Variants in CYTH3 observed in about 807,000 individuals in gnomAD.
CYTH3 encodes the protein cytohesin 3.
In CYTH3, 23 loss-of-function variants were observed where a neutral mutation model predicts 55.1. The observed-to-expected ratio is 0.42, with a 90% confidence interval of 0.30 to 0.59. The LOEUF (loss-of-function observed/expected upper bound fraction) is 0.59. Among genes scored for constraint, CYTH3 ranks in the 20% least tolerant of loss-of-function variants. The pLI, the probability that CYTH3 is intolerant of heterozygous loss-of-function variation, is 0.20. For synonymous variants in CYTH3, 249 were observed against 194.9 expected (o/e 1.28, Z -2.31); for missense variants, 413 against 524.8 (o/e 0.79, Z 2.08).
chr7:6,247,438 A>T (rs1779849584), intron 1 of CYTH3, among the ~76,000 whole-genome samples: 1 of 152,136 alleles, frequency 6.6e-6, no homozygotes, highest in Non-Finnish European at 1.5e-5. Flanking sequence ...TTTCAGCTCA[A>T]AGATACTTTT....
At chr7:6,204,156 T>C (rs1451634958) in intron 1 of CYTH3, among the ~76,000 whole-genome samples, 2 of 152,200 alleles carry the variant, frequency 1.3e-5, no homozygotes, top group Non-Finnish European at 2.9e-5. Flanking sequence ...CCAGCTTTTT[T>C]CTTCTTAATG....
intron 1 of CYTH3, among the ~76,000 whole-genome samples, chr7:6,234,141 G>A (rs140547764): frequency 2.0e-5 from 3 of 152,296 alleles, no homozygotes; most frequent in Admixed American, 2.0e-4. Context: ...CTAAATCGCA[G>A]AACTGATCAA....
rs1181819939 is a variant in CYTH3 at position 6,170,836 on chromosome 7, C to T, written c.705G>A (p.Leu235=). 9 of 1,611,194 alleles carry T rather than the reference C, an allele frequency of 5.6e-6. No individual in the cohort carries two copies. The South Asian group carries it at 9.9e-5, about 18-fold the overall frequency. ...CGCGGGCCGGGGAGCTCACCCTCAG[C>T]AGCTCCTCAGGGAGGTCCCCGCCCT... ...INEGGDLPEE[L]LRNLYESIKN... The change falls in exon 8 of 13, where the codon CTG becomes CTA. Residue 235 remains leucine, a synonymous_variant. Transcript: ENST00000350796. This position sits in a 1 kb window ranked among gnomAD's most constrained non-coding sequence, Gnocchi z 7.8.
chr7:6,177,265 T>C (rs190542617), intron 5 of CYTH3, among the ~76,000 whole-genome samples: 8 of 152,366 alleles, frequency 5.3e-5, no homozygotes, highest in African/African-American at 1.7e-4. Context: ...CTTTAGGAAC[T>C]ACTGGGCTTT....
At chr7:6,175,885 T>C (rs1783338998) in intron 5 of CYTH3, among the ~76,000 whole-genome samples, 1 of 152,154 alleles carries the variant, frequency 6.6e-6, no homozygotes, top group African/African-American at 2.4e-5. Flanking sequence ...TCTGCAACTT[T>C]GTTCTTTTTT....
chr7:6,243,064 A>G (rs1023776728), intron 1 of CYTH3, among the ~76,000 whole-genome samples: 2 of 152,206 alleles, frequency 1.3e-5, no homozygotes, highest in African/African-American at 4.8e-5. Flanking sequence ...CAATAGATGC[A>G]CACCTAGTCT....
rs537323640 is a variant in CYTH3, at chr7:6,240,227, T to A, written c.34+32247A>T. Among the ~76,000 whole-genome samples the A allele has an allele frequency of 7.2e-5, 10 of 138,732 alleles. No homozygotes were observed. The East Asian group carries it at 2.1e-3, about 29-fold the overall frequency. 91.0% of individuals were successfully genotyped at this position (138,732 alleles called of 152,430 possible). ...AGGCTGAGGCAGAATTGCTTCAGCC[T>A]GGGATGTGGAGGTTGCAGTGAGCTG... On this transcript the variant is annotated intron_variant, in intron 1 of 12. Coordinates refer to ENST00000350796, the MANE Select transcript of CYTH3 (RefSeq NM_004227.4).
chr7:6,225,654 C>A (rs1021374445), intron 1 of CYTH3, among the ~76,000 whole-genome samples: 47 of 151,286 alleles, frequency 3.1e-4, no homozygotes, highest in Admixed American at 2.7e-3. Flanking sequence ...CCGAGCATGG[C>A]CTGAAAATAT....
intron 1 of CYTH3, among the ~76,000 whole-genome samples, chr7:6,195,452 CTT>C (rs1562890808): frequency 6.6e-6 from 1 of 151,902 alleles, no homozygotes; most frequent in Non-Finnish European, 1.5e-5. Flanking sequence ...CTGTGGTTTT[CTT>C]TTTCTTTTTT....
At chr7:6,219,757 A>G (rs190049989) in intron 1 of CYTH3, among the ~76,000 whole-genome samples, 153 of 152,326 alleles carry the variant, frequency 1.0e-3, no homozygotes, top group Admixed American at 2.8e-3. Context: ...GGAATGAAAA[A>G]GACTCATTCC....
intron 1 of CYTH3, among the ~76,000 whole-genome samples, chr7:6,249,947 T>C (rs1189610896): frequency 6.6e-6 from 1 of 152,198 alleles, no homozygotes; most frequent in Non-Finnish European, 1.5e-5. Context: ...GGGCTGTACA[T>C]GAGGTCTCCA....
chr7:6,209,820 C>T (rs1245715277), intron 1 of CYTH3, among the ~76,000 whole-genome samples: 7 of 152,152 alleles, frequency 4.6e-5, no homozygotes, highest in East Asian at 1.9e-4. Context: ...CATAAAGGAA[C>T]TTTAACTGTA....
chr7:6,178,653 A>G (rs543264577), intron 4 of CYTH3, among the ~76,000 whole-genome samples: 1 of 152,332 alleles, frequency 6.6e-6, no homozygotes, highest in African/African-American at 2.4e-5. Flanking sequence ...CTACTGCTAC[A>G]CAGCTGTGTG....
intron 12 of CYTH3, 102 bp downstream of exon 12, chr7:6,165,171 G>C (rs1031905420): frequency 3.2e-6 from 5 of 1,552,848 alleles, no homozygotes; most frequent in African/African-American, 1.4e-5. Flanking sequence ...GGAGACAGAA[G>C]GTCCACTCTT....
chr7:6,214,074 C>A (rs1401492663), intron 1 of CYTH3, among the ~76,000 whole-genome samples: 1 of 152,168 alleles, frequency 6.6e-6, no homozygotes, highest in Non-Finnish European at 1.5e-5. Flanking sequence ...TCTTGGACCA[C>A]ACAAATAAGA....
At chr7:6,209,361 C>A (rs1024495583) in intron 1 of CYTH3, among the ~76,000 whole-genome samples, 1 of 152,214 alleles carries the variant, frequency 6.6e-6, no homozygotes, top group Non-Finnish European at 1.5e-5. Context: ...TGACCTCAGT[C>A]ATGAAAAACT....
intron 1 of CYTH3, among the ~76,000 whole-genome samples, chr7:6,213,080 T>C (rs1339367110): frequency 6.6e-6 from 1 of 152,258 alleles, no homozygotes; most frequent in Non-Finnish European, 1.5e-5. Context: ...TGTCTCCTCC[T>C]ATAAGAATGT....
At chr7:6,176,030 C>T (rs959920777) in intron 5 of CYTH3, among the ~76,000 whole-genome samples, 2 of 152,122 alleles carry the variant, frequency 1.3e-5, no homozygotes, top group Middle Eastern at 3.2e-3. Context: ...ATATTGGCAT[C>T]TTAGCAATAG....
At chr7:6,236,561 T>C (rs1042804269) in intron 1 of CYTH3, among the ~76,000 whole-genome samples, 1 of 149,054 alleles carries the variant, frequency 6.7e-6, no homozygotes, top group Non-Finnish European at 1.5e-5. Context: ...TTTTTATTGT[T>C]GTTGTTTTTG....
Sources: gnomAD v4.1 joint callset for allele counts (sites outside exome capture counted in the v4.1 genomes callset) on GRCh38, gnomAD v4.1.1 for gene constraint, Gnocchi (gnomAD v3.1) non-coding constraint, MANE v1.5 for transcripts, NCBI Gene and HGNC (gene_info 2026-07-23, HGNC 2026-07-21) for gene names.